The following ROBO1 variants were observed in gnomAD, a reference collection of about 807,000 sequenced individuals.
The protein encoded by ROBO1 is roundabout guidance receptor 1, also known as roundabout homolog 1.
ROBO1 carries 149 observed loss-of-function variants against 195.9 expected under a neutral mutation model. The ratio of observed to expected loss-of-function variants is 0.76; its 90% confidence interval spans 0.67 to 0.87. ROBO1 has a LOEUF of 0.87. ROBO1 is among the 40% of genes least tolerant of loss of function. The pLI, the probability that ROBO1 is intolerant of heterozygous loss-of-function variation, is 0.00. For synonymous variants in ROBO1, 816 were observed against 733.2 expected (o/e 1.11, Z -1.82); for missense variants, 1,933 against 2,068.3 (o/e 0.93, Z 1.27).
intron 26 of ROBO1, among the ~76,000 whole-genome samples, chr3:78,621,257 A>T (rs1202618269): frequency 6.6e-6 from 1 of 152,178 alleles, no homozygotes; most frequent in Non-Finnish European, 1.5e-5. Context: ...AAAATACCAC[A>T]CTTAAAAGTT....
chr3:79,428,135 G>C (rs1229347900), intron 2 of ROBO1, among the ~76,000 whole-genome samples: 1 of 151,804 alleles, frequency 6.6e-6, no homozygotes, highest in African/African-American at 2.4e-5. Context: ...TTAAAAAATG[G>C]GCAAAATATC....
chr3:79,503,702 T>C (rs1940239811), intron 2 of ROBO1, among the ~76,000 whole-genome samples: 1 of 152,182 alleles, frequency 6.6e-6, no homozygotes, highest in Non-Finnish European at 1.5e-5. Flanking sequence ...GACTTCATAA[T>C]TGTCTCTGAG....
chr3:79,310,226 C>T (rs1302780966), intron 2 of ROBO1, among the ~76,000 whole-genome samples: 2 of 152,158 alleles, frequency 1.3e-5, no homozygotes, highest in African/African-American at 4.8e-5. Flanking sequence ...CTGATTAGTT[C>T]TGGGCCCAGC....
At chr3:79,027,420 T>A (rs2078221791) in intron 3 of ROBO1, among the ~76,000 whole-genome samples, 1 of 152,018 alleles carries the variant, frequency 6.6e-6, no homozygotes, top group Admixed American at 6.6e-5. Context: ...TCTATTTCTC[T>A]CTTATATGGC....
At chr3:79,756,154 A>T (rs1704380813) in intron 1 of ROBO1, among the ~76,000 whole-genome samples, 1 of 152,238 alleles carries the variant, frequency 6.6e-6, no homozygotes, top group Admixed American at 6.5e-5. Context: ...AAATCTCTTG[A>T]TTTATTGCCT....
At chr3:79,392,106 G>A (rs2036975832) in intron 2 of ROBO1, among the ~76,000 whole-genome samples, 1 of 152,156 alleles carries the variant, frequency 6.6e-6, no homozygotes, top group Non-Finnish European at 1.5e-5. Flanking sequence ...GAAGGAAATG[G>A]TCCAAATCTC....
intron 1 of ROBO1, among the ~76,000 whole-genome samples, chr3:79,657,285 T>C (rs1946195879): frequency 6.6e-6 from 1 of 152,092 alleles, no homozygotes; most frequent in Admixed American, 6.6e-5. Flanking sequence ...GAATAAGCAT[T>C]TTGATGCTTT....
chr3:79,682,226 C>G (rs550166452), intron 1 of ROBO1, among the ~76,000 whole-genome samples: 3 of 152,092 alleles, frequency 2.0e-5, no homozygotes, highest in South Asian at 2.1e-4. Context: ...TTCTTATACT[C>G]TAATAATTAG....
chr3:79,308,235 G>C (rs1489117217), intron 2 of ROBO1, among the ~76,000 whole-genome samples: 1 of 152,060 alleles, frequency 6.6e-6, no homozygotes, highest in African/African-American at 2.4e-5. Flanking sequence ...GCAATGTAAA[G>C]AGCATCGTAC....
rs1366405759 is a variant in ROBO1 at position 79,151,491 on chromosome 3, AC to A, written c.89-25953del. ...TAATCGCCCCTCGTCTCTCACCTGG[AC>A]CATGTCAATAGCCCTCTAACCAGCC... is the stretch of plus-strand genomic sequence containing the variant. On this transcript the variant is annotated intron_variant, in intron 2 of 30. Coordinates refer to ENST00000464233, the MANE Select transcript of ROBO1 (RefSeq NM_002941.4). Among the ~76,000 whole-genome samples, 4 of 151,438 alleles carry A rather than the reference AC, an allele frequency of 2.6e-5. No homozygotes were observed. The East Asian group carries it at 7.8e-4, about 30-fold the overall frequency.
At chr3:78,867,916 G>A (rs903307441) in intron 4 of ROBO1, among the ~76,000 whole-genome samples, 1 of 152,084 alleles carries the variant, frequency 6.6e-6, no homozygotes, top group East Asian at 1.9e-4. Flanking sequence ...AACACAATTT[G>A]CCTCAGAATT....
chr3:78,734,718 C>G (rs895586441), intron 5 of ROBO1, among the ~76,000 whole-genome samples: 13 of 151,704 alleles, frequency 8.6e-5, no homozygotes, highest in Admixed American at 2.6e-4. Context: ...GGCATGATAT[C>G]AAAACTGAGG....
At chr3:79,678,539 GA>G (rs2106952858) in intron 1 of ROBO1, among the ~76,000 whole-genome samples, 1 of 152,078 alleles carries the variant, frequency 6.6e-6, no homozygotes, top group Non-Finnish European at 1.5e-5. Flanking sequence ...AGTACTTATT[GA>G]ACATTATCAG....
At chr3:78,683,470 A>G (rs916645457) in intron 10 of ROBO1, among the ~76,000 whole-genome samples, 1 of 152,090 alleles carries the variant, frequency 6.6e-6, no homozygotes. Flanking sequence ...CAAACTCAAA[A>G]CAAGGAAAGA....
At chr3:78,720,958 G>GGC (rs1336316966) in intron 5 of ROBO1, among the ~76,000 whole-genome samples, 1 of 151,044 alleles carries the variant, frequency 6.6e-6, no homozygotes, top group African/African-American at 2.5e-5. Context: ...GTTGGGGGGG[G>GGC]GGCGGTGGAG....
At chr3:78,828,558 G>T (rs1009156506) in intron 4 of ROBO1, among the ~76,000 whole-genome samples, 2 of 152,196 alleles carry the variant, frequency 1.3e-5, no homozygotes, top group African/African-American at 4.8e-5. Context: ...ATAATGAAAG[G>T]TGTGTGAATT....
intron 2 of ROBO1, among the ~76,000 whole-genome samples, chr3:79,412,435 C>T (rs1460743062): frequency 6.6e-6 from 1 of 152,084 alleles, no homozygotes; most frequent in Non-Finnish European, 1.5e-5. Context: ...CATTCTGTAG[C>T]ACAGATTATA....
In ROBO1 at chr3:78,807,507, C is replaced by T. The variant is rs148712493; in HGVS notation, c.500-60607G>A. Among the ~76,000 whole-genome samples the T allele has an allele frequency of 2.0e-3, 302 of 152,268 alleles. 1 individual carries two copies. Among genetic ancestry groups the T allele is most frequent in the African/African-American group, 7.1e-3 (295 of 41,558 alleles). On this transcript the variant is annotated intron_variant, in intron 4 of 30. Coordinates refer to ENST00000464233, the MANE Select transcript of ROBO1 (RefSeq NM_002941.4). ...AAAATGTTGCTGTGTTTCATTGAAT[C>T]TAAAATGCCATTAACTGCAAAACTT...
chr3:79,383,020 G>A (rs2036624574), intron 2 of ROBO1, among the ~76,000 whole-genome samples: 1 of 152,084 alleles, frequency 6.6e-6, no homozygotes, highest in African/African-American at 2.4e-5. Context: ...AATAAACTAT[G>A]GAAGATATGA....
Sources: gnomAD v4.1 joint callset for allele counts (sites outside exome capture counted in the v4.1 genomes callset) on GRCh38, gnomAD v4.1.1 for gene constraint, MANE v1.5 for transcripts, NCBI Gene and HGNC (gene_info 2026-07-23, HGNC 2026-07-21) for gene names.